The following ANGPT1 variants were observed in gnomAD, a reference collection of about 807,000 sequenced individuals.
ANGPT1 encodes the protein angiopoietin 1.
A neutral mutation model predicts 62.2 loss-of-function variants in ANGPT1; 17 were observed. The ratio of observed to expected loss-of-function variants is 0.27; its 90% confidence interval spans 0.19 to 0.41. The LOEUF (loss-of-function observed/expected upper bound fraction) is 0.41, where lower values mean the gene tolerates loss of function less well. Ranked by LOEUF, ANGPT1 falls within the 10% of genes least tolerant of loss-of-function variation. The pLI is 1.00. For synonymous variants in ANGPT1, 199 were observed against 198.9 expected, an observed-to-expected ratio of 1.00 and a Z score of 0.00; for missense variants, 478 against 594.9, an observed-to-expected ratio of 0.80 and a Z score of 2.04.
intron 1 of ANGPT1, among the ~76,000 whole-genome samples, chr8:107,406,643 G>T (rs1016105772): frequency 6.6e-6 from 1 of 151,924 alleles, no homozygotes; most frequent in Non-Finnish European, 1.5e-5. Context: ...AGTAAGATAA[G>T]GAAATTCAAA....
chr8:107,485,307 G>T (rs529784767), intron 1 of ANGPT1, among the ~76,000 whole-genome samples: 15 of 152,256 alleles, frequency 9.9e-5, no homozygotes, highest in African/African-American at 3.4e-4. Flanking sequence ...AATAGGTTTT[G>T]GTTTACCTCG....
At chr8:107,480,897 G>A (rs555970028) in intron 1 of ANGPT1, among the ~76,000 whole-genome samples, 5 of 152,308 alleles carry the variant, frequency 3.3e-5, no homozygotes, top group Non-Finnish European at 5.9e-5. Flanking sequence ...CTACTGAGAG[G>A]TGGAAGTGGT....
chr8:107,443,481 A>G (rs1811530606), intron 1 of ANGPT1, among the ~76,000 whole-genome samples: 1 of 152,146 alleles, frequency 6.6e-6, no homozygotes, highest in Admixed American at 6.5e-5. Context: ...ATACTTAATA[A>G]TATAGTGGGC....
chr8:107,490,957 A>G (rs1444309549), intron 1 of ANGPT1, among the ~76,000 whole-genome samples: 2 of 152,246 alleles, frequency 1.3e-5, no homozygotes, highest in Non-Finnish European at 2.9e-5. Context: ...GAATATTAAT[A>G]AAATTTCTGC....
At chr8:107,282,672 AT>A (rs1342217377) in intron 7 of ANGPT1, among the ~76,000 whole-genome samples, 1 of 143,662 alleles carries the variant, frequency 7.0e-6, no homozygotes, top group Non-Finnish European at 1.5e-5. Context: ...TATAATTTTG[AT>A]TCTCAAGGTT....
intron 4 of ANGPT1, among the ~76,000 whole-genome samples, chr8:107,314,842 TTA>T (rs1814977683): frequency 1.3e-5 from 2 of 152,346 alleles, no homozygotes; most frequent in Admixed American, 1.3e-4. Context: ...TTATCAATGT[TTA>T]TATGACTGAC....
intron 3 of ANGPT1, among the ~76,000 whole-genome samples, chr8:107,330,151 CAACT>C (rs1480864865): frequency 1.4e-4 from 21 of 152,292 alleles, no homozygotes; most frequent in African/African-American, 4.3e-4. Context: ...GTCATACTAA[CAACT>C]AACATGATTA....
At chr8:107,340,302 A>G (rs28636468) in intron 2 of ANGPT1, among the ~76,000 whole-genome samples, 30,983 of 152,170 alleles carry the variant, frequency 0.2, 3,626 homozygotes, top group East Asian at 0.33. Context: ...ATTTCAAAGA[A>G]TAAATTTTCC....
chr8:107,419,963 T>C (rs1261083028), intron 1 of ANGPT1, among the ~76,000 whole-genome samples: 1 of 152,190 alleles, frequency 6.6e-6, no homozygotes, highest in Non-Finnish European at 1.5e-5. Flanking sequence ...AACATCTCAT[T>C]AGTTAATATG....
At chr8:107,423,928 C>T (rs778984987) in intron 1 of ANGPT1, among the ~76,000 whole-genome samples, 2 of 144,584 alleles carry the variant, frequency 1.4e-5, no homozygotes, top group Non-Finnish European at 1.5e-5. Flanking sequence ...GAAATCTTTG[C>T]CTCCTGGGTT....
rs545635495 is a variant in ANGPT1 at position 107,440,596 on chromosome 8, G to A, written c.297+56666C>T. Among the ~76,000 whole-genome samples the A allele has an allele frequency of 1.6e-3, 250 of 152,204 alleles. 1 individual carries two copies. The highest frequency in any genetic ancestry group is 1.5e-3 in the Non-Finnish European group (104 of 68,008). On this transcript the variant is annotated intron_variant, in intron 1 of 8. Coordinates refer to ENST00000517746, the MANE Select transcript of ANGPT1 (RefSeq NM_001146.5). ...TCTTTTGTGACTATAATTTAGATTC[G>A]CACTTGTGCTAAATTAAAATATGCA...
At chr8:107,431,835 C>A (rs905255271) in intron 1 of ANGPT1, among the ~76,000 whole-genome samples, 3 of 152,078 alleles carry the variant, frequency 2.0e-5, no homozygotes, top group East Asian at 1.9e-4. Flanking sequence ...TTGCAGATGA[C>A]CCAGTGGTTT....
rs1360563243 is a variant in ANGPT1, at chr8:107,322,116, A to C, written c.588T>G (p.His196Gln). The C allele has an allele frequency of 6.2e-7, 1 of 1,611,098 alleles. No homozygotes were observed. The highest frequency in any genetic ancestry group is 8.5e-7 in the Non-Finnish European group (1 of 1,178,222). The change falls in exon 4 of 9, where the codon CAT becomes CAG. Residue 196 changes from histidine to glutamine, a missense_variant. Transcript: ENST00000517746. The stretch of plus-strand genomic sequence containing the variant: ...GTTTTCCTTCCATTTCTAAGATTTT[A>C]TGTTCTAATAAACTACAAGGAAGTG... ...KIHEKNSLLE[H>Q]KILEMEGKHK...
intron 7 of ANGPT1, among the ~76,000 whole-genome samples, chr8:107,281,099 T>A (rs1476373641): frequency 6.6e-6 from 1 of 152,204 alleles, no homozygotes; most frequent in African/African-American, 2.4e-5. Context: ...TATTTGGAGT[T>A]TCCTTAGAGG....
At chr8:107,430,650 G>T (rs1811160360) in intron 1 of ANGPT1, among the ~76,000 whole-genome samples, 1 of 152,160 alleles carries the variant, frequency 6.6e-6, no homozygotes, top group African/African-American at 2.4e-5. Context: ...AAAAGCAGGA[G>T]TAGTAAAAGA....
intron 1 of ANGPT1, among the ~76,000 whole-genome samples, chr8:107,387,698 A>G (rs1455951601): frequency 6.6e-6 from 1 of 152,006 alleles, no homozygotes; most frequent in Non-Finnish European, 1.5e-5. Flanking sequence ...CAGAGAAAAA[A>G]ATGGTAGGAA....
At chr8:107,416,563 C>G (rs1810752119) in intron 1 of ANGPT1, among the ~76,000 whole-genome samples, 1 of 152,088 alleles carries the variant, frequency 6.6e-6, no homozygotes, top group East Asian at 1.9e-4. Context: ...CCTCTTTGGC[C>G]TTTTATGGAA....
At chr8:107,413,909 A>G (rs1425988794) in intron 1 of ANGPT1, among the ~76,000 whole-genome samples, 2 of 152,066 alleles carry the variant, frequency 1.3e-5, no homozygotes, top group Non-Finnish European at 2.9e-5. Context: ...GATGGTAAGA[A>G]TGAGTGGTTG....
At chr8:107,296,450 A>T in intron 5 of ANGPT1, among the ~76,000 whole-genome samples, 1 of 152,098 alleles carries the variant, frequency 6.6e-6, no homozygotes, top group East Asian at 1.9e-4. Context: ...CAAAGGTTTC[A>T]GAAAAGTCAA....
Sources: gnomAD v4.1 joint callset for allele counts (sites outside exome capture counted in the v4.1 genomes callset) on GRCh38, gnomAD v4.1.1 for gene constraint, MANE v1.5 for transcripts, NCBI Gene and HGNC (gene_info 2026-07-23, HGNC 2026-07-21) for gene names.